GPC6: variants seen among roughly 807,000 people sequenced by gnomAD.
GPC6 encodes the protein glypican-6.
In GPC6, 14 loss-of-function variants were observed where a neutral mutation model predicts 55.2. The ratio of observed to expected loss-of-function variants is 0.25; its 90% CI spans 0.17 to 0.40. The LOEUF is 0.40. GPC6 is among the 10% of genes least tolerant of loss of function. The pLI is 1.00. For synonymous variants in GPC6, 278 were observed against 259.6 expected (o/e 1.07, Z -0.68); for missense variants, 641 against 708.5 (o/e 0.90, Z 1.08).
chr13:94,001,769 C>CA (rs762064536), intron 3 of GPC6, among the ~76,000 whole-genome samples: 3 of 151,940 alleles, frequency 2.0e-5, no homozygotes, highest in Non-Finnish European at 2.9e-5. Context: ...AAAGAACCAT[C>CA]AAAAAGAAAC....
chr13:93,803,509 A>G (rs1886443313), intron 2 of GPC6, among the ~76,000 whole-genome samples: 1 of 152,170 alleles, frequency 6.6e-6, no homozygotes, highest in African/African-American at 2.4e-5. Context: ...TACAGCTCCT[A>G]CAAAAAATAG....
chr13:93,306,500 C>T (rs188971953), intron 1 of GPC6, among the ~76,000 whole-genome samples: 3 of 152,044 alleles, frequency 2.0e-5, no homozygotes, highest in Middle Eastern at 3.4e-3. Flanking sequence ...AAAAAGATTT[C>T]AGAGGGGACA....
chr13:94,108,705 G>C (rs547469151), intron 4 of GPC6, among the ~76,000 whole-genome samples: 19 of 151,966 alleles, frequency 1.3e-4, no homozygotes, highest in Non-Finnish European at 2.6e-4. Flanking sequence ...AGCTGGGCAT[G>C]GTGGTCCATG....
intron 2 of GPC6, among the ~76,000 whole-genome samples, chr13:93,770,412 G>A (rs1231986587): frequency 1.3e-5 from 2 of 152,030 alleles, no homozygotes; most frequent in Non-Finnish European, 2.9e-5. Flanking sequence ...CTAATCTTTG[G>A]TAAAGGAAGT....
intron 1 of GPC6, among the ~76,000 whole-genome samples, chr13:93,503,984 GA>G (rs1039364148): frequency 6.6e-6 from 1 of 151,810 alleles, no homozygotes; most frequent in Non-Finnish European, 1.5e-5. Flanking sequence ...ATTCTTCCGA[GA>G]AAAAAAGTTT....
At chr13:94,302,498 CAT>C (rs1375873854) in intron 5 of GPC6, among the ~76,000 whole-genome samples, 1 of 152,194 alleles carries the variant, frequency 6.6e-6, no homozygotes, top group Non-Finnish European at 1.5e-5. Flanking sequence ...TATTCAGACA[CAT>C]GTATTAAACA....
chr13:93,357,816 C>G (rs889657751), intron 1 of GPC6, among the ~76,000 whole-genome samples: 4 of 152,196 alleles, frequency 2.6e-5, no homozygotes, highest in South Asian at 2.1e-4. Flanking sequence ...GCCTGGGCAA[C>G]AGCCTGCCTC....
chr13:94,143,784 G>A (rs1887464288), intron 4 of GPC6, among the ~76,000 whole-genome samples: 1 of 152,180 alleles, frequency 6.6e-6, no homozygotes, highest in African/African-American at 2.4e-5. Context: ...GGGAGGCTAA[G>A]ATGGGAGAAT....
chr13:93,255,749 C>A (rs1343945943), intron 1 of GPC6, among the ~76,000 whole-genome samples: 1 of 151,988 alleles, frequency 6.6e-6, no homozygotes, highest in Non-Finnish European at 1.5e-5. Flanking sequence ...AGCCTGTATA[C>A]CAAGAATATA....
At chr13:94,109,035 C>T (rs1336184775) in intron 4 of GPC6, among the ~76,000 whole-genome samples, 3 of 151,862 alleles carry the variant, frequency 2.0e-5, no homozygotes, top group Admixed American at 6.6e-5. Flanking sequence ...ATTATGTTTC[C>T]CCTTTCTTTA....
chr13:93,959,168 T>C (rs1217833082), intron 3 of GPC6, among the ~76,000 whole-genome samples: 1 of 151,968 alleles, frequency 6.6e-6, no homozygotes, highest in Non-Finnish European at 1.5e-5. Context: ...TGATTTTTTT[T>C]TTTTTTTCCC....
At chr13:94,004,746 G>A (rs1881943356) in intron 3 of GPC6, among the ~76,000 whole-genome samples, 1 of 152,082 alleles carries the variant, frequency 6.6e-6, no homozygotes, top group Non-Finnish European at 1.5e-5. Context: ...AATGCATGAT[G>A]AACTATAGCT....
At chr13:93,291,173 T>C (rs1199186183) in intron 1 of GPC6, among the ~76,000 whole-genome samples, 2 of 152,138 alleles carry the variant, frequency 1.3e-5, no homozygotes, top group Admixed American at 1.3e-4. Flanking sequence ...TATAAACTCT[T>C]TTATAGTTAA....
At chr13:93,499,325 G>T (rs1357774890) in intron 1 of GPC6, among the ~76,000 whole-genome samples, 1 of 152,194 alleles carries the variant, frequency 6.6e-6, no homozygotes, top group Non-Finnish European at 1.5e-5. Flanking sequence ...AAGAGTTTCT[G>T]TTGTCATAAA....
Position 93,741,239 on chromosome 13 carries a change from C to T in GPC6, c.320-88915C>T, listed in dbSNP as rs530838762. Among the ~76,000 whole-genome samples, 4 of 151,200 alleles carry T rather than the reference C, an allele frequency of 2.6e-5. No homozygotes were observed. The South Asian group carries it at 8.4e-4, about 32-fold the overall frequency. ...ACGCCATTCTCCTGCCTCAGCCTCC[C>T]GAGTAGCTGGGACTACAGGCGCCCA... On this transcript the variant is annotated intron_variant, in intron 2 of 8. Coordinates refer to ENST00000377047, the MANE Select transcript of GPC6 (RefSeq NM_005708.5).
chr13:94,050,484 A>C (rs1018072986), intron 4 of GPC6, among the ~76,000 whole-genome samples: 1 of 152,156 alleles, frequency 6.6e-6, no homozygotes, highest in Admixed American at 6.5e-5. Flanking sequence ...TGTCCTTCCA[A>C]TTGACATCCT....
intron 4 of GPC6, among the ~76,000 whole-genome samples, chr13:94,243,734 T>C (rs1386338495): frequency 2.0e-5 from 3 of 152,180 alleles, no homozygotes; most frequent in Non-Finnish European, 4.4e-5. Context: ...ACCTCATTGC[T>C]TTTTATGTCT....
At position 93,687,966 on chromosome 13, in the gene GPC6, T is replaced by C. The variant is rs145951631; in HGVS notation, c.320-142188T>C. 3.9e-3 allele frequency among the ~76,000 whole-genome samples: 597 copies of C among 152,028 alleles called. 6 individuals carry two copies. The highest frequency in any genetic ancestry group is 0.011 in the South Asian group (52 of 4,826). On this transcript the variant is annotated intron_variant, in intron 2 of 8. Transcript: ENST00000377047. ...AGTCCAGAGGCAGGCAGTCCAGGTA[T>C]ACTCAAGAGCTTTCTTAAAAAATGA...
chr13:93,588,946 C>T (rs909819090), intron 2 of GPC6, among the ~76,000 whole-genome samples: 8 of 152,136 alleles, frequency 5.3e-5, no homozygotes, highest in African/African-American at 1.2e-4. Flanking sequence ...GTACCTGTTT[C>T]GGGGGAAGAG....
Sources: allele counts gnomAD v4.1 joint callset (sites outside exome capture counted in the v4.1 genomes callset), GRCh38; gene constraint gnomAD v4.1.1; transcripts MANE v1.5; gene names NCBI Gene and HGNC (gene_info 2026-07-23, HGNC 2026-07-21).